The following GNG7 variants were observed in gnomAD, a reference collection of about 807,000 sequenced individuals.
The protein encoded by GNG7 is guanine nucleotide-binding protein G(I)/G(S)/G(O) subunit gamma-7.
A neutral mutation model predicts 4.0 loss-of-function variants in GNG7; 1 was observed. That is an observed-to-expected ratio of 0.25 (90% CI 0.09 to 1.18). The LOEUF is 1.18. GNG7 is among the 50% of genes most tolerant of loss of function. GNG7 has a pLI of 0.50. For missense variants in GNG7, 86 were observed against 91.9 expected, an observed-to-expected ratio of 0.94 and a Z score of 0.26; for synonymous variants, 34 against 36.9, an observed-to-expected ratio of 0.92 and a Z score of 0.29.
At chr19:2,537,418 T>C (rs993844617) in intron 3 of GNG7, among the ~76,000 whole-genome samples, 1 of 151,896 alleles carries the variant, frequency 6.6e-6, no homozygotes, top group African/African-American at 2.4e-5. Flanking sequence ...GCTAGTTTTT[T>C]ATTTTTTGTA....
chr19:2,521,413 G>A (rs1308741817), intron 3 of GNG7, among the ~76,000 whole-genome samples: 2 of 152,172 alleles, frequency 1.3e-5, no homozygotes, highest in Non-Finnish European at 2.9e-5. Flanking sequence ...GGTGATATCT[G>A]GGGACATCTG....
At chr19:2,598,040 G>A (rs903330352) in intron 2 of GNG7, among the ~76,000 whole-genome samples, 6 of 152,094 alleles carry the variant, frequency 3.9e-5, no homozygotes, top group Non-Finnish European at 7.4e-5. Context: ...GTGGTTAGAC[G>A]ACAATGACCA....
Position 2,511,657 on chromosome 19 carries a change from T to G in GNG7, c.*3365A>C. The stretch of plus-strand genomic sequence containing the variant: ...CCCAGAACTTGGGCAGGACGGGCTG[T>G]TAACTTGGAGATGGATGCGTGGCCT... On this transcript the variant is annotated 3_prime_UTR_variant, in exon 5 of 5. Coordinates refer to ENST00000382159, the MANE Select transcript of GNG7 (RefSeq NM_052847.3). This position sits in a 1 kb window ranked among gnomAD's most constrained non-coding sequence, Gnocchi z 6.3. The G allele has an allele frequency of 3.0e-6, 1 of 331,384 alleles. No homozygotes were observed. The highest frequency in any genetic ancestry group is 4.3e-6 in the Non-Finnish European group (1 of 231,918). The allele number at this position is 331,384 out of a possible 1,614,324, so 20.5% of individuals were successfully genotyped here.
rs180959372 is a variant in GNG7, at chr19:2,570,306, A to G, written c.-77-15118T>C. Among the ~76,000 whole-genome samples the G allele has an allele frequency of 2.6e-5, 4 of 152,306 alleles. No individual in the cohort carries two copies. The East Asian group carries it at 7.7e-4, about 29-fold the overall frequency. The stretch of plus-strand genomic sequence containing the variant: ...TGGTCTGTAGAACTGTATGGTCTGT[A>G]GAACTGTGAACCAGATAAACTTCTA... On this transcript the variant is annotated intron_variant, in intron 2 of 4. Transcript: ENST00000382159.
At chr19:2,688,303 G>T (rs954719713) in intron 1 of GNG7, among the ~76,000 whole-genome samples, 3 of 152,108 alleles carry the variant, frequency 2.0e-5, no homozygotes, top group Non-Finnish European at 4.4e-5. Flanking sequence ...AAAGTTTGCC[G>T]TACGAAGGAT....
At chr19:2,522,295 G>A (rs1219293176) in intron 3 of GNG7, among the ~76,000 whole-genome samples, 1 of 152,130 alleles carries the variant, frequency 6.6e-6, no homozygotes, top group Non-Finnish European at 1.5e-5. Flanking sequence ...GGTGGCAGGG[G>A]CAGGGGCCAG....
In GNG7 at chr19:2,515,414, T is replaced by A. The variant is rs1972719934; in HGVS notation, c.82-267A>T. ...ATGCCAGACACAGAAGGCCACACAGTGTGTGATCCCATTTCTTTCTTTTTT... is the reference window on the plus strand; with the variant it reads ...ATGCCAGACACAGAAGGCCACACAGAGTGTGATCCCATTTCTTTCTTTTTT... On this transcript the variant is annotated intron_variant, in intron 4 of 4. Transcript: ENST00000382159. Among the ~76,000 whole-genome samples the A allele has an allele frequency of 1.3e-4, 18 of 142,142 alleles. No homozygotes were observed. The Admixed American group carries it at 1.3e-3, about 11-fold the overall frequency. The allele number at this position is 142,142 out of a possible 152,430, so 93.3% of individuals were successfully genotyped here.
intron 1 of GNG7, among the ~76,000 whole-genome samples, chr19:2,646,818 T>C (rs1982678629): frequency 6.6e-6 from 1 of 152,254 alleles, no homozygotes; most frequent in Admixed American, 6.5e-5. Flanking sequence ...AGGATTGATG[T>C]TTCTACGGCT....
intron 2 of GNG7, among the ~76,000 whole-genome samples, chr19:2,587,956 G>C (rs752327199): frequency 2.6e-5 from 4 of 152,014 alleles, no homozygotes; most frequent in Non-Finnish European, 5.9e-5. Context: ...AAGAAAGAAA[G>C]AACAGGAACA....
intron 3 of GNG7, among the ~76,000 whole-genome samples, chr19:2,527,326 C>T (rs1374004199): frequency 1.3e-5 from 2 of 152,166 alleles, no homozygotes; most frequent in Admixed American, 6.5e-5. Flanking sequence ...GGCACCACTC[C>T]CACCGGCCCT....
chr19:2,575,089 C>A (rs1474354064), intron 2 of GNG7, among the ~76,000 whole-genome samples: 1 of 138,824 alleles, frequency 7.2e-6, no homozygotes, highest in Admixed American at 7.3e-5. Flanking sequence ...TTCTTTCTTT[C>A]TTTTTTTTTT....
intron 2 of GNG7, among the ~76,000 whole-genome samples, chr19:2,621,867 C>T (rs548136423): frequency 1.9e-4 from 29 of 152,248 alleles, no homozygotes; most frequent in Admixed American, 4.6e-4. Flanking sequence ...CAGGGGAGCA[C>T]AGCTCTGCAG....
Position 2,655,859 on chromosome 19 carries a change from AAT to A in GNG7, c.-134-9581_-134-9580del, listed in dbSNP as rs1285126952. ...GTCTGAAAAAAAAAAAAAAAAAAAA[AAT>A]ACATATATATATAAATTAGCCAGGC... On this transcript the variant is annotated intron_variant, in intron 1 of 4. Transcript: ENST00000382159. 7.5e-4 allele frequency among the ~76,000 whole-genome samples: 100 copies of A among 133,758 alleles called. 2 individuals carry two copies. Among genetic ancestry groups the A allele is most frequent in the Middle Eastern group, 4.0e-3 (1 of 252 alleles). The allele number at this position is 133,758 out of a possible 152,430, so 87.8% of individuals were successfully genotyped here. A position where few individuals can be genotyped will look rare whatever the true frequency, so the allele number is the denominator to read the frequency against.
chr19:2,598,539 C>G (rs1981099011), intron 2 of GNG7, among the ~76,000 whole-genome samples: 1 of 151,410 alleles, frequency 6.6e-6, no homozygotes, highest in African/African-American at 2.4e-5. Flanking sequence ...CGCCTGTAGT[C>G]CCAGCTACTC....
intron 2 of GNG7, among the ~76,000 whole-genome samples, chr19:2,571,933 T>C (rs916250505): frequency 2.6e-5 from 4 of 152,140 alleles, no homozygotes; most frequent in African/African-American, 9.7e-5. Flanking sequence ...AAATATGGGC[T>C]ACCTACCTAT....
In GNG7 at chr19:2,606,595, C is replaced by T. The variant is rs947982562; in HGVS notation, c.-78+39629G>A. ...GCTTGAACCCGGGAGGTGGAGGTTG[C>T]GGTGAGCCAAGATTGTGCCACTGCA... On this transcript the variant is annotated intron_variant, in intron 2 of 4. Transcript: ENST00000382159. Among the ~76,000 whole-genome samples, 10 of 151,164 alleles carry T rather than the reference C, an allele frequency of 6.6e-5. No homozygotes were observed. The East Asian group carries it at 1.6e-3, about 24-fold the overall frequency.
Position 2,577,984 on chromosome 19 carries a change from T to G in GNG7, c.-77-22796A>C, listed in dbSNP as rs1980393502. ...CCTCGAGTAGCTGGGACCACAGGTG[T>G]GCACCACCACGCCCGGCTAATTCTT... On this transcript the variant is annotated intron_variant, in intron 2 of 4. Coordinates refer to ENST00000382159, the MANE Select transcript of GNG7 (RefSeq NM_052847.3). Among the ~76,000 whole-genome samples the G allele has an allele frequency of 2.0e-5, 3 of 151,852 alleles. No individual in the cohort carries two copies. In the South Asian group the frequency reaches 6.2e-4, roughly 31 times the overall value.
At chr19:2,683,236 C>T (rs1219312762) in intron 1 of GNG7, among the ~76,000 whole-genome samples, 1 of 131,044 alleles carries the variant, frequency 7.6e-6, no homozygotes, top group Non-Finnish European at 1.6e-5. Context: ...AAGACTCCGT[C>T]TCAAAAAAAA....
intron 2 of GNG7, among the ~76,000 whole-genome samples, chr19:2,604,639 CAAAAAA>C (rs71178297): frequency 8.0e-4 from 70 of 87,870 alleles, no homozygotes; most frequent in Middle Eastern, 0.012. Context: ...GACCCTCCTT[CAAAAAA>C]AAAAAAAAAA....
Sources: allele counts gnomAD v4.1 joint callset (sites outside exome capture counted in the v4.1 genomes callset), GRCh38; gene constraint gnomAD v4.1.1; non-coding constraint Gnocchi (gnomAD v3.1); transcripts MANE v1.5; gene names NCBI Gene and HGNC (gene_info 2026-07-23, HGNC 2026-07-21).